Variants in PARD3B observed in about 807,000 individuals in gnomAD.
The protein encoded by PARD3B is par-3 family cell polarity regulator beta.
PARD3B carries 103 observed loss-of-function variants against 130.2 expected under a neutral mutation model. The observed-to-expected ratio is 0.79, with a 90% confidence interval of 0.67 to 0.93. The LOEUF (loss-of-function observed/expected upper bound fraction) is 0.93, where lower values mean the gene tolerates loss of function less well. PARD3B is among the 40% of genes least tolerant of loss of function. The pLI is 0.00. For missense variants in PARD3B, 1,609 were observed against 1,499.2 expected (o/e 1.07, Z -1.21); for synonymous variants, 583 against 553.2 (o/e 1.05, Z -0.76).
intron 21 of PARD3B, among the ~76,000 whole-genome samples, chr2:205,543,185 C>T (rs936565657): frequency 6.6e-6 from 1 of 152,064 alleles, no homozygotes. Context: ...AGGAAGCTTA[C>T]AATCTGAGAT....
chr2:205,306,968 T>C (rs955390398), intron 18 of PARD3B, among the ~76,000 whole-genome samples: 2 of 152,216 alleles, frequency 1.3e-5, no homozygotes, highest in Non-Finnish European at 2.9e-5. Context: ...ATGTATTATT[T>C]TTTCCGTTAT....
At chr2:205,304,234 G>A (rs182346099) in intron 18 of PARD3B, among the ~76,000 whole-genome samples, 137 of 152,248 alleles carry the variant, frequency 9.0e-4, no homozygotes, top group African/African-American at 3.0e-3. Context: ...TCTTGGGAGC[G>A]ATGTTGCCCC....
At chr2:204,826,178 G>A (rs956424079) in intron 2 of PARD3B, among the ~76,000 whole-genome samples, 32 of 152,284 alleles carry the variant, frequency 2.1e-4, no homozygotes, top group Non-Finnish European at 3.8e-4. Context: ...TAGTTTGGGG[G>A]CAAAAGGAGC....
chr2:205,086,915 C>A (rs2125527837), intron 4 of PARD3B, among the ~76,000 whole-genome samples: 1 of 152,334 alleles, frequency 6.6e-6, no homozygotes, highest in East Asian at 1.9e-4. Context: ...GCCATCCCTT[C>A]TGGCACATCG....
intron 1 of PARD3B, among the ~76,000 whole-genome samples, chr2:204,634,529 A>G (rs2034803050): frequency 6.6e-6 from 1 of 152,180 alleles, no homozygotes; most frequent in African/African-American, 2.4e-5. Context: ...TCTCATTTAT[A>G]TATGAGTCTT....
intron 18 of PARD3B, among the ~76,000 whole-genome samples, chr2:205,399,136 G>A (rs1481492617): frequency 6.6e-6 from 1 of 151,810 alleles, no homozygotes; most frequent in Non-Finnish European, 1.5e-5. Flanking sequence ...TGGGCATGGT[G>A]GTGCATGCCT....
At chr2:204,938,202 T>G (rs921368763) in intron 2 of PARD3B, among the ~76,000 whole-genome samples, 3 of 152,220 alleles carry the variant, frequency 2.0e-5, no homozygotes, top group Non-Finnish European at 4.4e-5. Flanking sequence ...AAAACAGTAA[T>G]GTATCAAGTG....
Position 205,345,883 on chromosome 2 carries a change from A to C in PARD3B, c.2630+44182A>C, listed in dbSNP as rs1448053543. Reference sequence around the variant, plus strand: ...ACTGCACATTTGAAATAAAAAAAGAAGATGCAGCTGGGTGTGGTGGCTCAC... The same window carrying C: ...ACTGCACATTTGAAATAAAAAAAGACGATGCAGCTGGGTGTGGTGGCTCAC... On this transcript the variant is annotated intron_variant, in intron 18 of 22. Coordinates refer to ENST00000406610, the MANE Select transcript of PARD3B (RefSeq NM_001302769.2). 8.0e-5 allele frequency among the ~76,000 whole-genome samples: 7 copies of C among 87,784 alleles called. 3 individuals carry two copies. Among genetic ancestry groups the C allele is most frequent in the African/African-American group, 1.9e-4 (7 of 37,088 alleles). 57.6% of individuals were successfully genotyped at this position (87,784 alleles called of 152,430 possible).
At chr2:204,980,666 C>T (rs556026871) in intron 3 of PARD3B, among the ~76,000 whole-genome samples, 4 of 152,138 alleles carry the variant, frequency 2.6e-5, no homozygotes, top group Non-Finnish European at 5.9e-5. Flanking sequence ...CAAATCCATA[C>T]CCCCAGGCTA....
In PARD3B at chr2:204,799,370, A is replaced by T. The variant is rs778139935; in HGVS notation, c.222+113088A>T. 9.2e-5 allele frequency among the ~76,000 whole-genome samples: 14 copies of T among 152,224 alleles called. No individual in the cohort carries two copies. The highest frequency in any genetic ancestry group is 1.6e-4 in the Non-Finnish European group (11 of 68,038). On this transcript the variant is annotated intron_variant, in intron 2 of 22. Transcript: ENST00000406610. This position sits in a 1 kb window ranked among gnomAD's most constrained non-coding sequence, Gnocchi z 4.1. The stretch of plus-strand genomic sequence containing the variant: ...GCTGCAGTAGAATAGAGCACCAGGT[A>T]GATTCCTAAGGTTTCTGACTCCAGG...
rs750051918 is a variant in PARD3B at position 205,397,166 on chromosome 2, T to C, written c.2631-3847T>C. Among the ~76,000 whole-genome samples, 1 of 152,258 alleles carries C rather than the reference T, an allele frequency of 6.6e-6. No homozygotes were observed. The highest frequency in any genetic ancestry group is 1.5e-5 in the Non-Finnish European group (1 of 68,044). ...TTAACAATGCGGGAGTTTTTGTTTT[T>C]GTTTTTAAGATTATTGTTTTATAAT... On this transcript the variant is annotated intron_variant, in intron 18 of 22. Coordinates refer to ENST00000406610, the MANE Select transcript of PARD3B (RefSeq NM_001302769.2). The surrounding 1 kb of genome is among the most constrained non-coding windows in gnomAD (Gnocchi z 4.8).
At chr2:204,845,548 GT>G (rs2044428008) in intron 2 of PARD3B, among the ~76,000 whole-genome samples, 1 of 152,002 alleles carries the variant, frequency 6.6e-6, no homozygotes, top group Admixed American at 6.5e-5. Flanking sequence ...GGTTGTCCTT[GT>G]TTGTTCTGTA....
chr2:205,087,955 G>A (rs1701844293), intron 4 of PARD3B, among the ~76,000 whole-genome samples: 1 of 152,184 alleles, frequency 6.6e-6, no homozygotes, highest in Non-Finnish European at 1.5e-5. Flanking sequence ...ATGTGACAGT[G>A]TAATCATAAG....
chr2:204,958,578 C>T (rs1482518383), intron 2 of PARD3B, among the ~76,000 whole-genome samples: 1 of 152,102 alleles, frequency 6.6e-6, no homozygotes, highest in Non-Finnish European at 1.5e-5. Context: ...TAAAGAGAAA[C>T]AACAAAGTGA....
chr2:205,259,957 T>C (rs2040237864), intron 16 of PARD3B, among the ~76,000 whole-genome samples: 1 of 152,118 alleles, frequency 6.6e-6, no homozygotes, highest in Non-Finnish European at 1.5e-5. Flanking sequence ...TGAAGATAAT[T>C]TTATATAATA....
chr2:205,216,702 G>C (rs962949559), intron 15 of PARD3B, among the ~76,000 whole-genome samples: 13 of 152,282 alleles, frequency 8.5e-5, no homozygotes, highest in African/African-American at 3.1e-4. Flanking sequence ...GGGGCAGAAT[G>C]ATGACATGTT....
intron 2 of PARD3B, among the ~76,000 whole-genome samples, chr2:204,952,819 A>C (rs1249997541): frequency 1.3e-5 from 2 of 151,994 alleles, no homozygotes; most frequent in Non-Finnish European, 2.9e-5. Flanking sequence ...TAACATGGTG[A>C]AACCCACCTC....
At chr2:204,911,464 T>C (rs939650296) in intron 2 of PARD3B, among the ~76,000 whole-genome samples, 1 of 152,202 alleles carries the variant, frequency 6.6e-6, no homozygotes, top group Non-Finnish European at 1.5e-5. Flanking sequence ...TTATATATCA[T>C]TTTCAGAGAC....
At chr2:204,787,947 C>G (rs75080514) in intron 2 of PARD3B, among the ~76,000 whole-genome samples, 1,962 of 152,252 alleles carry the variant, frequency 0.013, 54 homozygotes, top group African/African-American at 0.045. Context: ...TCCTGGGGGC[C>G]TCCTGATCAT....
Sources: allele counts gnomAD v4.1 joint callset (sites outside exome capture counted in the v4.1 genomes callset), GRCh38; gene constraint gnomAD v4.1.1; non-coding constraint Gnocchi (gnomAD v3.1); transcripts MANE v1.5; gene names NCBI Gene and HGNC (gene_info 2026-07-23, HGNC 2026-07-21).